Variants in LRRC20 observed in about 807,000 individuals in gnomAD.
LRRC20 encodes leucine-rich repeat-containing protein 20.
In LRRC20, 11 loss-of-function variants were observed where a neutral mutation model predicts 14.4. That is an observed-to-expected ratio of 0.77 (90% CI 0.48 to 1.27). The LOEUF (loss-of-function observed/expected upper bound fraction) is 1.27. Among genes scored for constraint, LRRC20 ranks in the 50% most tolerant of loss-of-function variants. The probability of loss-of-function intolerance (pLI) is 0.00; values close to 1 mark genes in which losing one functional copy is unlikely to be tolerated. For synonymous variants in LRRC20, 121 were observed against 107.3 expected (o/e 1.13, Z -0.79); for missense variants, 219 against 251.2 (o/e 0.87, Z 0.87).
At chr10:70,350,918 G>T (rs1564634488) in intron 2 of LRRC20, among the ~76,000 whole-genome samples, 1 of 152,236 alleles carries the variant, frequency 6.6e-6, no homozygotes. Flanking sequence ...GGGCACAGTG[G>T]CTCATGCCTG....
intron 4 of LRRC20, among the ~76,000 whole-genome samples, chr10:70,307,209 G>A (rs114336002): frequency 0.013 from 1,971 of 152,272 alleles, 32 homozygotes; most frequent in African/African-American, 0.044. Context: ...TGTGTACATC[G>A]AATCCATCTG....
chr10:70,309,590 T>C (rs114781023), intron 4 of LRRC20, among the ~76,000 whole-genome samples: 2,680 of 152,336 alleles, frequency 0.018, 100 homozygotes, highest in African/African-American at 0.059. Flanking sequence ...ACAACCTCAG[T>C]TGTCAAGATA....
intron 2 of LRRC20, among the ~76,000 whole-genome samples, chr10:70,362,794 G>A (rs983346260): frequency 6.6e-6 from 1 of 152,196 alleles, no homozygotes; most frequent in African/African-American, 2.4e-5. Context: ...GTTACAACTG[G>A]GGGTGGAGTG....
chr10:70,333,501 T>C (rs1178709656), intron 3 of LRRC20, among the ~76,000 whole-genome samples: 1 of 152,240 alleles, frequency 6.6e-6, no homozygotes, highest in Non-Finnish European at 1.5e-5. Flanking sequence ...AAATGCCCTC[T>C]GACCTCAGTG....
intron 2 of LRRC20, among the ~76,000 whole-genome samples, chr10:70,375,767 G>A (rs1336899496): frequency 3.5e-4 from 3 of 8,648 alleles, no homozygotes; most frequent in Non-Finnish European, 0.014. Flanking sequence ...GCACATGCAC[G>A]CACACACAGG....
chr10:70,335,616 G>C (rs1449234252), intron 3 of LRRC20, among the ~76,000 whole-genome samples: 1 of 152,106 alleles, frequency 6.6e-6, no homozygotes, highest in Non-Finnish European at 1.5e-5. Flanking sequence ...GCTTCTCCCT[G>C]CTAGGATGCT....
intron 4 of LRRC20, among the ~76,000 whole-genome samples, chr10:70,313,709 C>T (rs1213904362): frequency 6.6e-6 from 1 of 152,192 alleles, no homozygotes; most frequent in Non-Finnish European, 1.5e-5. Context: ...ACAAGTTAGC[C>T]ACAAGGTTAG....
At chr10:70,317,352 C>T (rs10999265) in intron 4 of LRRC20, among the ~76,000 whole-genome samples, 81,877 of 151,450 alleles carry the variant, frequency 0.54, 22,775 homozygotes, top group South Asian at 0.63. Flanking sequence ...TCTTTTTTCC[C>T]TCTCTCTTTT....
At chr10:70,324,170 C>A in intron 3 of LRRC20, 140 bp from the exon 4 acceptor site, 1 of 713,122 alleles carries the variant, frequency 1.4e-6, no homozygotes, top group Middle Eastern at 3.9e-4. Flanking sequence ...GAGCCCCGCA[C>A]AGGGCTGATT....
At chr10:70,351,774 C>G (rs1360782156) in intron 2 of LRRC20, among the ~76,000 whole-genome samples, 3 of 152,146 alleles carry the variant, frequency 2.0e-5, no homozygotes, top group Non-Finnish European at 4.4e-5. Context: ...ATGTCTAACA[C>G]GTCCAGTGTG....
At chr10:70,354,029 C>T (rs185274702) in intron 2 of LRRC20, among the ~76,000 whole-genome samples, 1 of 152,156 alleles carries the variant, frequency 6.6e-6, no homozygotes, top group Non-Finnish European at 1.5e-5. Flanking sequence ...ACCTTGGGTC[C>T]TTATGCCCTT....
At chr10:70,349,572 T>A (rs1745896271) in intron 2 of LRRC20, among the ~76,000 whole-genome samples, 1 of 152,186 alleles carries the variant, frequency 6.6e-6, no homozygotes, top group South Asian at 2.1e-4. Flanking sequence ...AGCAAGACTC[T>A]GTCTCAATAA....
At chr10:70,367,999 T>TATGTTATGTTATGTTATGTTATGTTATGC (rs1403701408) in intron 2 of LRRC20, among the ~76,000 whole-genome samples, 1 of 145,942 alleles carries the variant, frequency 6.9e-6, no homozygotes. Flanking sequence ...TATGTTATTT[T>TATGTTATGTTATGTTATGTTATGTTATGC]TTGAGATGGA....
intron 2 of LRRC20, among the ~76,000 whole-genome samples, chr10:70,369,053 C>T (rs1351064562): frequency 1.3e-5 from 2 of 152,204 alleles, no homozygotes; most frequent in Non-Finnish European, 2.9e-5. Context: ...TCCATGGGGG[C>T]TGTCCCCATT....
chr10:70,316,889 C>T (rs377684848), intron 4 of LRRC20, among the ~76,000 whole-genome samples: 37 of 152,338 alleles, frequency 2.4e-4, no homozygotes, highest in African/African-American at 7.7e-4. Flanking sequence ...CAAGGGCATG[C>T]GGGGCAGAAG....
rs897348883 is a variant in LRRC20, at chr10:70,299,380, A to C, written c.*1974T>G. On this transcript the variant is annotated 3_prime_UTR_variant, in exon 5 of 5. Transcript: ENST00000446961. The stretch of plus-strand genomic sequence containing the variant: ...AAGTGGCAGGGAGAGAACTGAGAGA[A>C]ACTTCACCCTCTGCTCGGAGGACAT... 1 of 152,256 alleles carries C rather than the reference A, an allele frequency of 6.6e-6. No homozygotes were observed. Among genetic ancestry groups the C allele is most frequent in the Non-Finnish European group, 1.5e-5 (1 of 68,102 alleles). The allele number at this position is 152,256 out of a possible 1,614,324, so 9.4% of individuals were successfully genotyped here.
chr10:70,346,548 C>T (rs543899304), intron 2 of LRRC20, among the ~76,000 whole-genome samples: 2 of 152,264 alleles, frequency 1.3e-5, no homozygotes, highest in South Asian at 4.1e-4. Flanking sequence ...ATAGTATTAT[C>T]AACCCAGGTG....
intron 2 of LRRC20, among the ~76,000 whole-genome samples, chr10:70,347,799 A>T (rs1368347738): frequency 6.7e-6 from 1 of 148,350 alleles, no homozygotes; most frequent in African/African-American, 2.5e-5. Flanking sequence ...AGCCTGGGCA[A>T]CAGAGCGAGA....
At position 70,300,676 on chromosome 10, in the gene LRRC20, C is replaced by T. The variant is rs1046804779; in HGVS notation, c.*678G>A. 8.1e-6 allele frequency: 8 copies of T among 985,678 alleles called. No individual in the cohort carries two copies. Among genetic ancestry groups the T allele is most frequent in the East Asian group, 1.1e-4 (1 of 8,818 alleles). 61.1% of individuals were successfully genotyped at this position (985,678 alleles called of 1,614,324 possible). On this transcript the variant is annotated 3_prime_UTR_variant, in exon 5 of 5. Coordinates refer to ENST00000446961, the MANE Select transcript of LRRC20 (RefSeq NM_001278212.2). Reference sequence around the variant, plus strand: ...TAACTGTGGGGAATGACAGAGCTGACGTGACTTGCTCCCCATTCCCAGCCT... The same window carrying T: ...TAACTGTGGGGAATGACAGAGCTGATGTGACTTGCTCCCCATTCCCAGCCT...
Sources: gnomAD v4.1 joint callset for allele counts (sites outside exome capture counted in the v4.1 genomes callset) on GRCh38, gnomAD v4.1.1 for gene constraint, MANE v1.5 for transcripts, NCBI Gene and HGNC (gene_info 2026-07-23, HGNC 2026-07-21) for gene names.